ZFHX3: variants seen among roughly 807,000 people sequenced by gnomAD.
The protein encoded by ZFHX3 is zinc finger homeobox 3.
In ZFHX3, 42 loss-of-function variants were observed where a neutral mutation model predicts 279.1. The observed-to-expected ratio is 0.15, with a 90% CI of 0.12 to 0.19. The LOEUF (loss-of-function observed/expected upper bound fraction) is 0.19. Among genes scored for constraint, ZFHX3 ranks in the 10% least tolerant of loss-of-function variants. The pLI is 1.00. For synonymous variants in ZFHX3, 2,293 were observed against 1,957.8 expected (o/e 1.17, Z -4.52); for missense variants, 4,981 against 4,754.0 (o/e 1.05, Z -1.40).
intron 4 of ZFHX3, among the ~76,000 whole-genome samples, chr16:72,882,779 A>AGATAAT (rs2144034302): frequency 6.6e-6 from 1 of 152,308 alleles, no homozygotes; most frequent in African/African-American, 2.4e-5. Flanking sequence ...CAAGGCTCCT[A>AGATAAT]GATAATGGCT....
intron 1 of ZFHX3, chr16:73,813,702 A>G (rs1293167788): frequency 6.6e-6 from 1 of 152,258 alleles, no homozygotes; most frequent in African/African-American, 2.4e-5. Flanking sequence ...CAAGCCGGAA[A>G]TCTGCCTTGC....
chr16:73,405,216 A>G (rs1597321702), intron 3 of ZFHX3, among the ~76,000 whole-genome samples: 1 of 152,340 alleles, frequency 6.6e-6, no homozygotes, highest in South Asian at 2.1e-4. Context: ...TGTGTTTTGC[A>G]ATGAACCAAA....
chr16:73,047,011 G>A (rs998416473), intron 1 of ZFHX3, among the ~76,000 whole-genome samples: 3 of 152,220 alleles, frequency 2.0e-5, no homozygotes, highest in East Asian at 1.9e-4. Flanking sequence ...CACACCATGC[G>A]TGAGCTGCAG....
intron 6 of ZFHX3, among the ~76,000 whole-genome samples, chr16:73,139,465 C>T (rs1210567695): frequency 1.3e-5 from 2 of 152,098 alleles, no homozygotes; most frequent in East Asian, 3.8e-4. Flanking sequence ...TTGCATTTCT[C>T]AAGATATTGT....
intron 1 of ZFHX3, among the ~76,000 whole-genome samples, chr16:73,819,904 C>A (rs978731764): frequency 2.0e-5 from 3 of 152,122 alleles, no homozygotes; most frequent in African/African-American, 7.2e-5. Context: ...TACTGCATAC[C>A]GGCTGTGGCA....
chr16:73,250,335 G>A (rs754787158), intron 5 of ZFHX3, among the ~76,000 whole-genome samples: 2 of 152,130 alleles, frequency 1.3e-5, no homozygotes, highest in Non-Finnish European at 2.9e-5. Flanking sequence ...CCTGAAACAA[G>A]ATGTTATCAA....
rs199771555 is a variant in ZFHX3, at chr16:72,950,420, C to T, written c.3216+49G>A. On this transcript the variant is annotated intron_variant, in intron 3 of 9. Transcript: ENST00000268489. ...TGCTCCCTAACTCCCCGGTGCGCAA[C>T]CCCCTCCTTTCAGAAAGAGCGCCTG... The T allele has an allele frequency of 4.5e-5, 71 of 1,589,600 alleles. No individual in the cohort carries two copies. In the East Asian group the frequency reaches 8.1e-4, roughly 18 times the overall value.
At chr16:73,353,737 G>A (rs1157388464) in intron 3 of ZFHX3, among the ~76,000 whole-genome samples, 1 of 152,152 alleles carries the variant, frequency 6.6e-6, no homozygotes, top group East Asian at 1.9e-4. Context: ...AAAATGAAAG[G>A]AAGCAGGAGA....
chr16:73,495,067 G>A (rs551788319), intron 2 of ZFHX3, among the ~76,000 whole-genome samples: 4 of 152,314 alleles, frequency 2.6e-5, no homozygotes, highest in East Asian at 3.9e-4. Flanking sequence ...GTGTGTGTCT[G>A]CATATTGGCT....
chr16:73,257,853 G>A (rs2013703347), intron 4 of ZFHX3, among the ~76,000 whole-genome samples: 1 of 152,170 alleles, frequency 6.6e-6, no homozygotes, highest in Non-Finnish European at 1.5e-5. Context: ...AAGTGGCCTG[G>A]GTCAAGTTCT....
intron 8 of ZFHX3, among the ~76,000 whole-genome samples, chr16:73,082,877 T>A (rs1420232026): frequency 6.6e-6 from 1 of 152,020 alleles, no homozygotes; most frequent in East Asian, 1.9e-4. Context: ...GGAAACAGTA[T>A]TTAAAACAAA....
chr16:73,715,636 G>A (rs910164603), intron 1 of ZFHX3, among the ~76,000 whole-genome samples: 6 of 143,906 alleles, frequency 4.2e-5, no homozygotes, highest in South Asian at 4.4e-4. Flanking sequence ...GCAATGGTGC[G>A]ATCTCGGCTC....
chr16:73,099,659 C>T (rs997732819), intron 7 of ZFHX3, among the ~76,000 whole-genome samples: 2 of 143,392 alleles, frequency 1.4e-5, no homozygotes, highest in Admixed American at 7.4e-5. Context: ...TGCAGTGAGC[C>T]GAGATCACAC....
rs1597141142 is a variant in ZFHX3, at chr16:73,057,889, G to C, written c.-24+641C>G. 2.7e-5 allele frequency among the ~76,000 whole-genome samples: 4 copies of C among 149,494 alleles called. 1 individual carries two copies. The East Asian group carries it at 7.8e-4, about 29-fold the overall frequency. ...GGTGGCGGCCGCGGCAGCAGCAGTG[G>C]CTGCGACCGCGGCGACTGCTCCGGG... On this transcript the variant is annotated intron_variant, in intron 1 of 8. Coordinates refer to the ZFHX3 transcript ENST00000397992.
chr16:73,410,024 A>T lies in ZFHX3; in HGVS notation c.-1291+45979T>A, dbSNP rs574743275. ...TGCAGGTGGGAAGTGGGGATGGTTA[A>T]TGGCTACAAAAATGTAGTTAGATAG... is the stretch of plus-strand genomic sequence containing the variant. On this transcript the variant is annotated intron_variant, in intron 3 of 17. Transcript: ENST00000641206. Among the ~76,000 whole-genome samples, 39 of 152,272 alleles carry T rather than the reference A, an allele frequency of 2.6e-4. No homozygotes were observed. The South Asian group carries it at 3.9e-3, about 15-fold the overall frequency.
At position 73,130,072 on chromosome 16, in the gene ZFHX3, A is replaced by C. The variant is rs548725640; in HGVS notation, c.-897+896T>G. ...GTTTCTTAGGGCATGGACCTATAATACTTAAATCATTTCTAATTCCACTGG... is the reference window on the plus strand; with the variant it reads ...GTTTCTTAGGGCATGGACCTATAATCCTTAAATCATTTCTAATTCCACTGG... On this transcript the variant is annotated intron_variant, in intron 7 of 17. Coordinates refer to the ZFHX3 transcript ENST00000641206. 1.4e-3 allele frequency among the ~76,000 whole-genome samples: 206 copies of C among 152,278 alleles called. 1 individual carries two copies. The South Asian group carries it at 0.018, about 13-fold the overall frequency.
chr16:73,225,645 G>A (rs893076062), intron 5 of ZFHX3, among the ~76,000 whole-genome samples: 1 of 151,948 alleles, frequency 6.6e-6, no homozygotes, highest in African/African-American at 2.4e-5. Flanking sequence ...ATGTCTAGAG[G>A]GCATATCCGC....
In ZFHX3 at chr16:72,795,941, T is replaced by C. The variant is rs760285730; in HGVS notation, c.6741A>G (p.Thr2247=). Residue 2247 remains threonine, a synonymous_variant, in exon 9 of 10, where the codon ACA becomes ACG. Transcript: ENST00000268489. ...CCCTCAGCTGGTAGTCCGTAAACCT[T>C]GTTCTTGAAGACCTCTTGCTTCCCC... ...EYWGSKRSSR[T]RFTDYQLRVL... is the part of the protein sequence containing the mutation. The C allele has an allele frequency of 2.5e-6, 4 of 1,614,172 alleles. No individual in the cohort carries two copies. The South Asian group carries it at 3.3e-5, about 13-fold the overall frequency.
chr16:73,339,139 A>G (rs895697745), intron 3 of ZFHX3, among the ~76,000 whole-genome samples: 1 of 152,174 alleles, frequency 6.6e-6, no homozygotes, highest in African/African-American at 2.4e-5. Context: ...GAATGGACCA[A>G]TACACTTCAG....
Sources: gnomAD v4.1 joint callset for allele counts (sites outside exome capture counted in the v4.1 genomes callset) on GRCh38, gnomAD v4.1.1 for gene constraint, MANE v1.5 for transcripts, NCBI Gene and HGNC (gene_info 2026-07-23, HGNC 2026-07-21) for gene names.